PCMTD1: variants seen among roughly 807,000 people sequenced by gnomAD.
PCMTD1 encodes protein-L-isoaspartate (D-aspartate) O-methyltransferase domain containing 1.
PCMTD1 carries 12 observed loss-of-function variants against 37.6 expected under a neutral mutation model. That is an observed-to-expected ratio of 0.32 (90% CI 0.20 to 0.52). The LOEUF (loss-of-function observed/expected upper bound fraction) is 0.52. Among genes scored for constraint, PCMTD1 ranks in the 20% least tolerant of loss-of-function variants. PCMTD1 has a pLI of 0.97. For synonymous variants in PCMTD1, 117 were observed against 135.8 expected, an observed-to-expected ratio of 0.86 and a Z score of 0.96; for missense variants, 235 against 421.3, an observed-to-expected ratio of 0.56 and a Z score of 3.87.
At chr8:51,865,845 C>A (rs1308904334) in intron 1 of PCMTD1, among the ~76,000 whole-genome samples, 6 of 151,416 alleles carry the variant, frequency 4.0e-5, no homozygotes, top group African/African-American at 1.5e-4. Context: ...AAATAAAGGG[C>A]ATCTAAATAG....
intron 3 of PCMTD1, among the ~76,000 whole-genome samples, chr8:51,835,047 G>A (rs936899739): frequency 6.6e-6 from 1 of 152,124 alleles, no homozygotes; most frequent in Non-Finnish European, 1.5e-5. Context: ...GGAGTGCTAC[G>A]GGGGAATCTT....
chr8:51,890,106 C>T (rs955259652), intron 1 of PCMTD1, among the ~76,000 whole-genome samples: 1 of 103,060 alleles, frequency 9.7e-6, no homozygotes, highest in Non-Finnish European at 2.7e-5. Context: ...AAAGCCAAAT[C>T]AACTGCATGA....
chr8:51,820,773 A>G (rs2037836369), intron 5 of PCMTD1, 55 bp from the exon 6 acceptor site: 1 of 1,369,416 alleles, frequency 7.3e-7, no homozygotes, highest in Non-Finnish European at 9.6e-7. Flanking sequence ...AACATTATCT[A>G]TTGTTTATTT....
At chr8:51,875,833 G>A (rs7838816) in intron 1 of PCMTD1, among the ~76,000 whole-genome samples, 30,481 of 152,046 alleles carry the variant, frequency 0.2, 4,825 homozygotes, top group African/African-American at 0.43. Flanking sequence ...TTAGAAGGCC[G>A]AGACAGAAGG....
rs538399951 is a variant in PCMTD1, at chr8:51,851,339, T to C, written c.308-5576A>G. Among the ~76,000 whole-genome samples the C allele has an allele frequency of 2.5e-3, 388 of 152,274 alleles. 2 individuals are homozygous for C. The highest frequency in any genetic ancestry group is 9.1e-3 in the African/African-American group (376 of 41,542). On this transcript the variant is annotated intron_variant, in intron 2 of 5. Coordinates refer to ENST00000522514, the MANE Select transcript of PCMTD1 (RefSeq NM_052937.4). ...TCATACATGAATCTCAGAAATATGT[T>C]TACATAAGATCTCAAAGTGTTGGTT...
intron 1 of PCMTD1, chr8:51,870,167 G>GCA (rs1427136328): frequency 1.3e-5 from 2 of 152,246 alleles, no homozygotes; most frequent in African/African-American, 4.8e-5. Flanking sequence ...CCAGAGGGAA[G>GCA]CAGTCAACTG....
At chr8:51,851,512 T>C (rs1220415738) in intron 2 of PCMTD1, among the ~76,000 whole-genome samples, 1 of 152,190 alleles carries the variant, frequency 6.6e-6, no homozygotes, top group African/African-American at 2.4e-5. Context: ...GAACAACCTA[T>C]GACTATACCT....
intron 1 of PCMTD1, among the ~76,000 whole-genome samples, chr8:51,873,837 T>G (rs1333982865): frequency 6.6e-6 from 1 of 152,036 alleles, no homozygotes; most frequent in African/African-American, 2.4e-5. Flanking sequence ...CTGTAAAGCC[T>G]GAAGAACCAT....
intron 1 of PCMTD1, among the ~76,000 whole-genome samples, chr8:51,882,127 A>G (rs1585851270): frequency 6.6e-6 from 1 of 152,220 alleles, no homozygotes; most frequent in South Asian, 2.1e-4. Flanking sequence ...TTCTCAAGCT[A>G]GAAGTCCAAG....
chr8:51,843,142 A>G (rs2038171259), intron 3 of PCMTD1, among the ~76,000 whole-genome samples: 1 of 147,294 alleles, frequency 6.8e-6, no homozygotes, highest in Admixed American at 7.0e-5. Flanking sequence ...TCATTTTTAT[A>G]ATTTGTCATT....
In PCMTD1 at chr8:51,845,646, G is replaced by A; in HGVS notation, c.410+15C>T. ...TAAGTGATTTTAAACCAAAACTATA[G>A]ATATGAATACTTACTTATCAAAGCT... On this transcript the variant is annotated intron_variant, in intron 3 of 5. Coordinates refer to ENST00000522514, the MANE Select transcript of PCMTD1 (RefSeq NM_052937.4). The A allele has an allele frequency of 6.3e-7, 1 of 1,577,160 alleles. No homozygotes were observed. Among genetic ancestry groups the A allele is most frequent in the Non-Finnish European group, 8.7e-7 (1 of 1,148,328 alleles).
intron 2 of PCMTD1, among the ~76,000 whole-genome samples, chr8:51,848,317 GA>G (rs1395141934): frequency 1.4e-5 from 2 of 143,928 alleles, no homozygotes; most frequent in Admixed American, 1.4e-4. Context: ...GAGAGAGAGA[GA>G]AAAAAAATCT....
intron 3 of PCMTD1, chr8:51,839,760 G>C (rs1216967239): frequency 5.8e-6 from 2 of 342,962 alleles, no homozygotes; most frequent in Admixed American, 6.5e-5. Context: ...AATTATTCCA[G>C]TGGAATAGAG....
chr8:51,897,308 T>C (rs1438151811), intron 1 of PCMTD1, among the ~76,000 whole-genome samples: 1 of 152,212 alleles, frequency 6.6e-6, no homozygotes, highest in Non-Finnish European at 1.5e-5. Context: ...GTAGGCAGTG[T>C]AGTATCACCC....
At chr8:51,887,979 G>C (rs1222760582) in intron 1 of PCMTD1, among the ~76,000 whole-genome samples, 1 of 152,016 alleles carries the variant, frequency 6.6e-6, no homozygotes, top group Non-Finnish European at 1.5e-5. Context: ...TCTTGACCTC[G>C]TGATCCGCCC....
At chr8:51,836,304 T>C (rs2038065491) in intron 3 of PCMTD1, among the ~76,000 whole-genome samples, 2 of 152,208 alleles carry the variant, frequency 1.3e-5, no homozygotes, top group African/African-American at 2.4e-5. Context: ...GTAATGCGCA[T>C]GGGTTTTCAG....
chr8:51,881,730 A>T (rs2038795437), intron 1 of PCMTD1, among the ~76,000 whole-genome samples: 1 of 152,204 alleles, frequency 6.6e-6, no homozygotes, highest in African/African-American at 2.4e-5. Context: ...ACAAAGAAAA[A>T]AATTTAGAGC....
chr8:51,844,365 A>G (rs2038188783), intron 3 of PCMTD1, among the ~76,000 whole-genome samples: 1 of 152,190 alleles, frequency 6.6e-6, no homozygotes, highest in African/African-American at 2.4e-5. Flanking sequence ...AGAAAATTCA[A>G]GTGGCTTGCT....
chr8:51,836,049 A>G (rs1010358699), intron 3 of PCMTD1, among the ~76,000 whole-genome samples: 5 of 152,242 alleles, frequency 3.3e-5, no homozygotes, highest in Admixed American at 2.0e-4. Flanking sequence ...ACTCGTGTCT[A>G]TATCTAATGG....
Sources: gnomAD v4.1 joint callset for allele counts (sites outside exome capture counted in the v4.1 genomes callset) on GRCh38, gnomAD v4.1.1 for gene constraint, MANE v1.5 for transcripts, NCBI Gene and HGNC (gene_info 2026-07-23, HGNC 2026-07-21) for gene names.